The following ATP6V1A variants were observed in gnomAD, a reference collection of about 807,000 sequenced individuals.
ATP6V1A encodes the protein ATPase H+ transporting V1 subunit A.
A neutral mutation model predicts 70.1 loss-of-function variants in ATP6V1A; 18 were observed. That is an observed-to-expected ratio of 0.26 (90% CI 0.18 to 0.38). The LOEUF (loss-of-function observed/expected upper bound fraction) is 0.38. ATP6V1A is among the 10% of genes least tolerant of loss of function. The pLI is 1.00. For synonymous variants in ATP6V1A, 232 were observed against 253.8 expected, an observed-to-expected ratio of 0.91 and a Z score of 0.82; for missense variants, 424 against 772.4, an observed-to-expected ratio of 0.55 and a Z score of 5.35.
intron 1 of ATP6V1A, among the ~76,000 whole-genome samples, chr3:113,748,884 A>G (rs1708553234): frequency 6.6e-6 from 1 of 152,208 alleles, no homozygotes; most frequent in Non-Finnish European, 1.5e-5. Context: ...TTTATCCATT[A>G]ATTTTCTCCA....
At chr3:113,762,437 G>A (rs939921935) in intron 1 of ATP6V1A, among the ~76,000 whole-genome samples, 1 of 151,766 alleles carries the variant, frequency 6.6e-6, no homozygotes, top group Admixed American at 6.6e-5. Context: ...GCGTGGTGGC[G>A]CATACCTGTA....
intron 3 of ATP6V1A, 114 bp from the exon 4 acceptor site, chr3:113,784,110 T>C: frequency 1.0e-6 from 1 of 971,314 alleles, no homozygotes. Flanking sequence ...CTGAGAAAGT[T>C]TGGGAACTTC....
intron 1 of ATP6V1A, among the ~76,000 whole-genome samples, chr3:113,763,061 C>T (rs945489384): frequency 4.1e-4 from 63 of 151,986 alleles, no homozygotes; most frequent in African/African-American, 1.4e-3. Flanking sequence ...TACCATTAGT[C>T]AATTAACATC....
At chr3:113,807,997 G>A (rs1709296051) in intron 14 of ATP6V1A, among the ~76,000 whole-genome samples, 2 of 151,912 alleles carry the variant, frequency 1.3e-5, no homozygotes, top group Non-Finnish European at 2.9e-5. Flanking sequence ...GGGCGTGATG[G>A]TGCATGCCTG....
In ATP6V1A at chr3:113,798,413, A is replaced by C. The variant is rs749603060; in HGVS notation, c.1461A>C (p.Glu487Asp). Residue 487 changes from glutamate to aspartate, a missense_variant, in exon 12 of 15, where the codon GAA becomes GAC. This residue lies in a region of ATP6V1A where 127 missense variants were observed against 207.9 expected (regional missense o/e 0.61). Coordinates refer to ENST00000273398, the MANE Select transcript of ATP6V1A (RefSeq NM_001690.4). ...CTAAGGAAATTCTGCAGGAAGAAGA[A>C]GACCTGGCAGAAATTGTACAGCTTG... The part of the protein sequence containing the change: ...TKAKEILQEE[E>D]DLAEIVQLVG... The C allele has an allele frequency of 1.2e-6, 2 of 1,613,990 alleles. No individual in the cohort carries two copies. The highest frequency in any genetic ancestry group is 3.3e-4 in the Middle Eastern group (2 of 6,062).
intron 1 of ATP6V1A, among the ~76,000 whole-genome samples, chr3:113,753,376 C>G (rs1053794356): frequency 1.3e-5 from 2 of 152,172 alleles, no homozygotes; most frequent in Admixed American, 1.3e-4. Context: ...AGTAAACAAT[C>G]AAGCAACATC....
At chr3:113,776,613 G>T (rs923438789) in intron 1 of ATP6V1A, among the ~76,000 whole-genome samples, 1 of 152,076 alleles carries the variant, frequency 6.6e-6, no homozygotes, top group African/African-American at 2.4e-5. Flanking sequence ...GAGCTTCTTC[G>T]ACTTATCCTG....
intron 1 of ATP6V1A, among the ~76,000 whole-genome samples, chr3:113,758,902 A>G (rs1708672880): frequency 6.6e-6 from 1 of 152,142 alleles, no homozygotes; most frequent in South Asian, 2.1e-4. Context: ...TGTGGTTTTA[A>G]CTTGCATTTT....
chr3:113,781,112 G>T lies in ATP6V1A; in HGVS notation c.145G>T (p.Glu49Ter). ...MYELVRVGHS[E>*]LVGEIIRLEG... The stretch of plus-strand genomic sequence containing the variant: ...TGAGCTGGTGAGAGTGGGCCACAGC[G>T]AATTGGTTGGAGAGATTATTCGATT... The change falls in exon 3 of 15, where the codon GAA becomes TAA. Residue 49 changes from glutamate to a stop codon, truncating the protein, a stop_gained. Coordinates refer to ENST00000273398, the MANE Select transcript of ATP6V1A (RefSeq NM_001690.4). LOFTEE classifies it high-confidence loss of function. 6.2e-7 allele frequency: 1 copy of T among 1,613,842 alleles called. No individual in the cohort carries two copies. Among genetic ancestry groups the T allele is most frequent in the Non-Finnish European group, 8.5e-7 (1 of 1,179,840 alleles).
chr3:113,753,168 A>G (rs1243261570), intron 1 of ATP6V1A, among the ~76,000 whole-genome samples: 1 of 152,234 alleles, frequency 6.6e-6, no homozygotes, highest in Non-Finnish European at 1.5e-5. Flanking sequence ...TGTCACCAGA[A>G]GTTCACAGAA....
chr3:113,791,947 G>A (rs1410951664), intron 8 of ATP6V1A, among the ~76,000 whole-genome samples: 3 of 149,600 alleles, frequency 2.0e-5, no homozygotes, highest in East Asian at 3.9e-4. Flanking sequence ...GAGATGCATG[G>A]CCTCAGATGA....
intron 12 of ATP6V1A, among the ~76,000 whole-genome samples, chr3:113,802,060 T>A (rs572361822): frequency 6.6e-6 from 1 of 152,304 alleles, no homozygotes; most frequent in South Asian, 2.1e-4. Context: ...TCAAAGCTGC[T>A]AGGGCAATTG....
At chr3:113,786,535 C>G in intron 6 of ATP6V1A, 152 bp downstream of exon 6, 2 of 793,360 alleles carry the variant, frequency 2.5e-6, no homozygotes. Flanking sequence ...TTATCTATTG[C>G]TAGCACTTAT....
intron 1 of ATP6V1A, among the ~76,000 whole-genome samples, chr3:113,776,880 C>G (rs753774738): frequency 3.3e-5 from 5 of 152,172 alleles, no homozygotes; most frequent in African/African-American, 4.8e-5. Flanking sequence ...TTATTGGCAC[C>G]CCCGCTACCC....
intron 3 of ATP6V1A, among the ~76,000 whole-genome samples, chr3:113,783,927 T>C (rs1709009934): frequency 6.6e-6 from 1 of 152,226 alleles, no homozygotes; most frequent in African/African-American, 2.4e-5. Flanking sequence ...GAAATTAATA[T>C]TATTTTTTCT....
intron 1 of ATP6V1A, among the ~76,000 whole-genome samples, chr3:113,763,719 G>A (rs1328036769): frequency 6.6e-6 from 1 of 152,094 alleles, no homozygotes; most frequent in African/African-American, 2.4e-5. Flanking sequence ...TCTGAAATTA[G>A]TGCCTGTCCT....
chr3:113,785,894 G>T (rs1395193757), intron 5 of ATP6V1A, among the ~76,000 whole-genome samples: 1 of 139,212 alleles, frequency 7.2e-6, no homozygotes, highest in Non-Finnish European at 1.5e-5. Flanking sequence ...TTTAGGAGAT[G>T]GGGTGTCACT....
chr3:113,793,608 G>T (rs1477515081), intron 8 of ATP6V1A, among the ~76,000 whole-genome samples: 3 of 152,128 alleles, frequency 2.0e-5, no homozygotes, highest in Admixed American at 2.0e-4. Flanking sequence ...GTATAAGAAA[G>T]AATCTGTTCT....
chr3:113,797,094 C>A (rs2108039637), intron 11 of ATP6V1A, among the ~76,000 whole-genome samples: 1 of 152,134 alleles, frequency 6.6e-6, no homozygotes, highest in East Asian at 1.9e-4. Context: ...CGCCACCACA[C>A]CTGGCTAATT....
Sources: allele counts gnomAD v4.1 joint callset (sites outside exome capture counted in the v4.1 genomes callset), GRCh38; gene constraint gnomAD v4.1.1; regional missense constraint gnomAD v4.1.1; transcripts MANE v1.5; gene names NCBI Gene and HGNC (gene_info 2026-07-23, HGNC 2026-07-21).